The following TMEM63A variants were observed in gnomAD, a reference collection of about 807,000 sequenced individuals.
TMEM63A encodes mechanosensitive cation channel TMEM63A.
In TMEM63A, 76 loss-of-function variants were observed where a neutral mutation model predicts 100.6. The ratio of observed to expected loss-of-function variants is 0.76; its 90% CI spans 0.63 to 0.91. TMEM63A has a LOEUF of 0.91. TMEM63A is among the 40% of genes least tolerant of loss of function. The pLI is 0.00. For synonymous variants in TMEM63A, 401 were observed against 401.1 expected, an observed-to-expected ratio of 1.00 and a Z score of 0.00; for missense variants, 876 against 1,008.8, an observed-to-expected ratio of 0.87 and a Z score of 1.78.
At chr1:225,857,385 G>GGA (rs1491432568) in intron 15 of TMEM63A, among the ~76,000 whole-genome samples, 1 of 2,552 alleles carries the variant, frequency 3.9e-4, no homozygotes, top group African/African-American at 5.5e-4. Context: ...CCGGCGGGGC[G>GGA]GGGGGGGGGG....
intron 15 of TMEM63A, 54 bp downstream of exon 15, chr1:225,859,142 A>G: frequency 6.2e-7 from 1 of 1,612,016 alleles, no homozygotes; most frequent in Non-Finnish European, 8.5e-7. Flanking sequence ...CCCACCCACC[A>G]AGCCCTCTTC....
intron 10 of TMEM63A, chr1:225,863,228 G>A (rs1670033647): frequency 8.3e-6 from 2 of 240,150 alleles, no homozygotes; most frequent in Non-Finnish European, 1.7e-5. Context: ...TTTATTTTTT[G>A]TAGAGACGGG....
At chr1:225,872,677 A>ACTGCT (rs1210214583) in intron 4 of TMEM63A, among the ~76,000 whole-genome samples, 1 of 142,916 alleles carries the variant, frequency 7.0e-6, no homozygotes, top group Non-Finnish European at 1.5e-5. Context: ...CGTATATGTG[A>ACTGCT]CTGCTTTTCT....
intron 15 of TMEM63A, among the ~76,000 whole-genome samples, chr1:225,857,379 C>CGGGGGGGGG (rs369068747): frequency 4.4e-5 from 5 of 112,768 alleles, no homozygotes; most frequent in African/African-American, 1.3e-4. Flanking sequence ...TCCTGGCCGG[C>CGGGGGGGGG]GGGGCGGGGG....
Position 225,848,505 on chromosome 1 carries a change from G to T in TMEM63A, c.2237C>A (p.Pro746His). 1 of 1,614,144 alleles carries T rather than the reference G, an allele frequency of 6.2e-7. No homozygotes were observed. Among genetic ancestry groups the T allele is most frequent in the Non-Finnish European group, 8.5e-7 (1 of 1,180,030 alleles). Reference sequence around the variant, plus strand: ...GGCACAGCTTACTGTGAACGGTGGGGGCATGTGGGCCTCTGCCTCACTTCC... The same window carrying T: ...GGCACAGCTTACTGTGAACGGTGGGTGCATGTGGGCCTCTGCCTCACTTCC... ...DKGSEAEAHMPPPFTPYVPRI... is the reference protein window; with the variant it reads ...DKGSEAEAHMHPPFTPYVPRI... The change falls in exon 23 of 25, where the codon CCC becomes CAC. Residue 746 changes from proline to histidine, a missense_variant. Pro to His is a moderately conservative substitution (Grantham distance 77). Coordinates refer to ENST00000366835, the MANE Select transcript of TMEM63A (RefSeq NM_014698.3).
Position 225,845,775 on chromosome 1 carries a change from A to G in TMEM63A, c.*1164T>C, listed in dbSNP as rs6965. The G allele has an allele frequency of 0.34, 94,535 of 279,968 alleles. 16,379 individuals are homozygous for G. The highest frequency in any genetic ancestry group is 0.4 in the East Asian group (4,225 of 10,686). 17.3% of individuals were successfully genotyped at this position (279,968 alleles called of 1,614,324 possible). A position where few individuals can be genotyped will look rare whatever the true frequency, so the allele number is the denominator to read the frequency against. ...TGGAGCAGAGGCAGCACTGGCCACC[A>G]CTGCGGGGGCAAGTCAGCGTCAAGA... On this transcript the variant is annotated 3_prime_UTR_variant, in exon 25 of 25. Transcript: ENST00000366835.
At chr1:225,861,649 C>T (rs1425793831) in intron 13 of TMEM63A, 3 of 161,800 alleles carry the variant, frequency 1.9e-5, no homozygotes, top group Non-Finnish European at 4.1e-5. Flanking sequence ...CCCGACCCAC[C>T]CTGTGCTGCT....
chr1:225,844,579 C>T (rs755880486), downstream of TMEM63A: 2 of 1,614,184 alleles, frequency 1.2e-6, no homozygotes, highest in East Asian at 2.2e-5. Flanking sequence ...AGCGCTTCTA[C>T]AAGGAGAACC....
chr1:225,856,686 T>C lies in TMEM63A; in HGVS notation c.1537A>G (p.Met513Val), dbSNP rs746756700. The change falls in exon 17 of 25, where the codon ATG (methionine) becomes GTG (valine). Residue 513 changes from methionine to valine, a missense_variant. Around this residue, in one of 5 missense-constraint regions of TMEM63A, gnomAD observed 487 missense variants for 581.9 expected, o/e 0.84. Transcript: ENST00000366835. ...CCCAGGGAGGGCAGGATCAGCACCA[T>C]GAAGATCAAGAATATGTAGACTTTG... is the stretch of plus-strand genomic sequence containing the variant. ...MTKVYIFLIF[M>V]VLILPSLGLT... The C allele has an allele frequency of 1.9e-6, 3 of 1,613,760 alleles. No individual in the cohort carries two copies. The highest frequency in any genetic ancestry group is 1.7e-4 in the Middle Eastern group (1 of 6,038).
At chr1:225,851,767 T>C (rs1179358880) in intron 20 of TMEM63A, among the ~76,000 whole-genome samples, 1 of 152,232 alleles carries the variant, frequency 6.6e-6, no homozygotes, top group Non-Finnish European at 1.5e-5. Context: ...CTAAAACAAC[T>C]TTTCCCCCTA....
intron 6 of TMEM63A, among the ~76,000 whole-genome samples, chr1:225,868,465 C>A (rs1670329907): frequency 6.6e-6 from 1 of 151,304 alleles, no homozygotes; most frequent in Non-Finnish European, 1.5e-5. Context: ...CACCTGAGGT[C>A]AGGAGTTCGA....
chr1:225,863,235 C>T (rs1245181785), intron 10 of TMEM63A: 2 of 238,542 alleles, frequency 8.4e-6, no homozygotes, highest in African/African-American at 2.3e-5. Flanking sequence ...TTTGTAGAGA[C>T]GGGGTCTCGC....
chr1:225,842,470 G>A (rs752567341), downstream of TMEM63A: 1 of 1,609,906 alleles, frequency 6.2e-7, no homozygotes, highest in South Asian at 1.1e-5. Flanking sequence ...TGGAGGCCTG[G>A]AAAGGTGAGG....
rs1669450164 is a variant in TMEM63A, at chr1:225,853,382, A to G, written c.1797+247T>C. ...TGAGTTGTATGTATGTATGTGTGCG[A>G]TCAAACCGTTTCAAATGCCAAAGTC... On this transcript the variant is annotated intron_variant, in intron 19 of 24. Coordinates refer to ENST00000366835, the MANE Select transcript of TMEM63A (RefSeq NM_014698.3). This position sits in a 1 kb window ranked among gnomAD's most constrained non-coding sequence, Gnocchi z 4.0. 6.6e-6 allele frequency among the ~76,000 whole-genome samples: 1 copy of G among 152,188 alleles called. No individual in the cohort carries two copies.
rs756349614 is a variant in TMEM63A at position 225,852,788 on chromosome 1, G to T, written c.1798-19C>A. On this transcript the variant is annotated intron_variant, in intron 19 of 24. Transcript: ENST00000366835. The stretch of plus-strand genomic sequence containing the variant: ...CCTGGTTCTGGGAGGAGGAGGTGGT[G>T]AGGAGCTCATGGACTTGTTCCACCT... The T allele has an allele frequency of 6.2e-7, 1 of 1,608,384 alleles. No individual in the cohort carries two copies. Among genetic ancestry groups the T allele is most frequent in the South Asian group, 1.1e-5 (1 of 90,890 alleles).
intron 6 of TMEM63A, among the ~76,000 whole-genome samples, chr1:225,870,365 A>AC (rs1442827970): frequency 2.0e-5 from 3 of 151,106 alleles, no homozygotes; most frequent in Middle Eastern, 3.2e-3. Context: ...AAAAAAAAAA[A>AC]CATGCATCTT....
Position 225,862,092 on chromosome 1 carries a change from A to G in TMEM63A, c.1085+126T>C. 7.1e-7 allele frequency: 1 copy of G among 1,408,568 alleles called. No individual in the cohort carries two copies. The highest frequency in any genetic ancestry group is 9.6e-7 in the Non-Finnish European group (1 of 1,044,220). The allele number at this position is 1,408,568 out of a possible 1,614,324, so 87.3% of individuals were successfully genotyped here. A position where few individuals can be genotyped will look rare whatever the true frequency, so the allele number is the denominator to read the frequency against. ...TGTGGGTAGCTGAGGGAGGAGAAGGAAACACCACAGATAAATCCCAGGGAT... is the reference window on the plus strand; with the variant it reads ...TGTGGGTAGCTGAGGGAGGAGAAGGGAACACCACAGATAAATCCCAGGGAT... On this transcript the variant is annotated intron_variant, in intron 13 of 24. Transcript: ENST00000366835. The surrounding 1 kb of genome is among the most constrained non-coding windows in gnomAD (Gnocchi z 5.1).
Position 225,862,610 on chromosome 1 carries a change from A to C in TMEM63A, c.828-32T>G. 5 of 1,607,560 alleles carry C rather than the reference A, an allele frequency of 3.1e-6. No individual in the cohort carries two copies. The highest frequency in any genetic ancestry group is 4.3e-6 in the Non-Finnish European group (5 of 1,176,136). ...GGGTGGGAGCGGGGGCACAAACCTC[A>C]GATTTAGAATCCTGTGGCAGGGACC... On this transcript the variant is annotated intron_variant, in intron 11 of 24. Transcript: ENST00000366835. This position sits in a 1 kb window ranked among gnomAD's most constrained non-coding sequence, Gnocchi z 5.1.
intron 14 of TMEM63A, chr1:225,860,385 C>G (rs559275467): frequency 6.5e-6 from 1 of 152,814 alleles, no homozygotes; most frequent in Non-Finnish European, 1.5e-5. Context: ...CATGCGGCTA[C>G]TGAGCATTTT....
Sources: allele counts gnomAD v4.1 joint callset (sites outside exome capture counted in the v4.1 genomes callset), GRCh38; gene constraint gnomAD v4.1.1; regional missense constraint gnomAD v4.1.1; non-coding constraint Gnocchi (gnomAD v3.1); transcripts MANE v1.5; gene names NCBI Gene and HGNC (gene_info 2026-07-23, HGNC 2026-07-21).